The following WASHC5 variants were observed in gnomAD, a reference collection of about 807,000 sequenced individuals.
WASHC5 encodes WASH complex subunit strumpellin.
WASHC5 carries 101 observed loss-of-function variants against 150.4 expected under a neutral mutation model. That is an observed-to-expected ratio of 0.67 (90% confidence interval 0.57 to 0.79). WASHC5 has a LOEUF of 0.79. Among genes scored for constraint, WASHC5 ranks in the 30% least tolerant of loss-of-function variants. The pLI is 0.00. For synonymous variants in WASHC5, 467 were observed against 491.2 expected (o/e 0.95, Z 0.65); for missense variants, 1,195 against 1,396.3 (o/e 0.86, Z 2.30).
intron 10 of WASHC5, among the ~76,000 whole-genome samples, chr8:125,067,238 G>A (rs565146751): frequency 3.5e-4 from 54 of 152,220 alleles, no homozygotes; most frequent in African/African-American, 1.2e-3. Flanking sequence ...GGCTGATCTC[G>A]AACTCCTGAC....
At chr8:125,079,056 CTATATCCTCAA>C (rs1286792526) in intron 5 of WASHC5, 126 bp from the exon 6 acceptor site, 99 of 677,388 alleles carry the variant, frequency 1.5e-4, no homozygotes, top group African/African-American at 2.9e-4. Flanking sequence ...ACAGGTCCAT[CTATATCCTCAA>C]TATATCCTCA....
intron 4 of WASHC5, 75 bp from the exon 5 acceptor site, chr8:125,081,836 A>G: frequency 2.2e-6 from 2 of 896,376 alleles, no homozygotes; most frequent in Admixed American, 3.5e-5. Context: ...TAATCATGAA[A>G]AATATTGCTT....
chr8:125,029,964 A>G (rs1263931565), intron 27 of WASHC5, among the ~76,000 whole-genome samples: 1 of 152,196 alleles, frequency 6.6e-6, no homozygotes, highest in Non-Finnish European at 1.5e-5. Context: ...GAGCAAGAGA[A>G]AGGAAGGAAT....
intron 3 of WASHC5, 76 bp downstream of exon 3, chr8:125,083,035 GAT>G: frequency 2.1e-6 from 2 of 960,144 alleles, no homozygotes; most frequent in Non-Finnish European, 3.3e-6. Flanking sequence ...AACTCAGAGA[GAT>G]TTACACGTTG....
chr8:125,080,696 T>A (rs1165267458), intron 5 of WASHC5, among the ~76,000 whole-genome samples: 2 of 152,210 alleles, frequency 1.3e-5, no homozygotes, highest in African/African-American at 4.8e-5. Context: ...TTCAACCAAT[T>A]GAAAATCTGT....
chr8:125,073,423 A>G (rs1249373300), intron 8 of WASHC5, 99 bp from the exon 9 acceptor site: 1 of 1,000,180 alleles, frequency 1.0e-6, no homozygotes, highest in East Asian at 2.6e-5. Flanking sequence ...ACATTTCTAT[A>G]TAGGATGAAT....
intron 21 of WASHC5, 59 bp from the exon 22 acceptor site, chr8:125,044,153 T>C: frequency 8.9e-7 from 1 of 1,120,520 alleles, no homozygotes; most frequent in African/African-American, 1.5e-5. Context: ...AAGCAAATTC[T>C]CCAGTTACCT....
At chr8:125,060,375 A>G (rs2130103266) in intron 12 of WASHC5, among the ~76,000 whole-genome samples, 1 of 152,088 alleles carries the variant, frequency 6.6e-6, no homozygotes, top group South Asian at 2.1e-4. Flanking sequence ...AGTCCCAGCT[A>G]CCCAGGAGGC....
At chr8:125,087,384 CCA>C (rs1232223658) in intron 1 of WASHC5, among the ~76,000 whole-genome samples, 1 of 152,086 alleles carries the variant, frequency 6.6e-6, no homozygotes, top group African/African-American at 2.4e-5. Flanking sequence ...GTCCTAAAAA[CCA>C]CTAGAAGTCG....
intron 1 of WASHC5, among the ~76,000 whole-genome samples, chr8:125,085,049 A>G (rs1402102592): frequency 6.6e-6 from 1 of 152,228 alleles, no homozygotes; most frequent in Non-Finnish European, 1.5e-5. Flanking sequence ...ATTCCTTGGC[A>G]CTGACAAGTA....
intron 7 of WASHC5, 82 bp from the exon 8 acceptor site, chr8:125,075,193 A>AT: frequency 1.2e-6 from 1 of 858,120 alleles, no homozygotes; most frequent in Admixed American, 1.7e-5. Context: ...ATAGAAGGCA[A>AT]TACCCACTCC....
chr8:125,082,908 A>C, intron 3 of WASHC5: 1 of 474,436 alleles, frequency 2.1e-6, no homozygotes, highest in East Asian at 3.6e-5. Context: ...AGTTTATTAC[A>C]ACACCTCATA....
chr8:125,032,438 C>T, intron 26 of WASHC5, 44 bp from the exon 27 acceptor site: 1 of 1,605,650 alleles, frequency 6.2e-7, no homozygotes, highest in Non-Finnish European at 8.5e-7. Context: ...TACTTGCCTT[C>T]AGCAACATTC....
intron 1 of WASHC5, among the ~76,000 whole-genome samples, chr8:125,086,939 T>C (rs1331783272): frequency 6.6e-6 from 1 of 152,240 alleles, no homozygotes. Flanking sequence ...CCCCCAGCTC[T>C]TTAAGTCTTC....
chr8:125,068,807 T>C (rs1816822233), intron 9 of WASHC5, among the ~76,000 whole-genome samples: 1 of 152,218 alleles, frequency 6.6e-6, no homozygotes, highest in African/African-American at 2.4e-5. Context: ...AATTAGGCAG[T>C]GATTGACCCA....
At position 125,084,028 on chromosome 8, in the gene WASHC5, TCCCC is replaced by T; in HGVS notation, c.-124-10_-124-7del. ...TGGCTCCTCCATTAAAGAACCTGTA[TCCCC>T]AAAAAAAGTGTGAAAATCTCAATTT... On this transcript the variant is annotated splice_polypyrimidine_tract_variant and splice_region_variant and intron_variant, in intron 1 of 28. Transcript: ENST00000318410. 1 of 846,382 alleles carries T rather than the reference TCCCC, an allele frequency of 1.2e-6. No individual in the cohort carries two copies. The allele number at this position is 846,382 out of a possible 1,614,324, so 52.4% of individuals were successfully genotyped here.
At chr8:125,079,112 GTGTGTATATATATA>G (rs1817158658) in intron 5 of WASHC5, among the ~76,000 whole-genome samples, 182 bp from the exon 6 acceptor site, 1 of 48,432 alleles carries the variant, frequency 2.1e-5, no homozygotes, top group African/African-American at 7.0e-5. Flanking sequence ...ATGTGTGTGT[GTGTGTATATATATA>G]TATATATATA....
At chr8:125,044,461 A>C (rs532311311) in intron 21 of WASHC5, 75 bp downstream of exon 21, 1 of 1,523,240 alleles carries the variant, frequency 6.6e-7, no homozygotes, top group East Asian at 2.2e-5. Flanking sequence ...AAGTGAGTTC[A>C]AACTGCCCAC....
At chr8:125,028,811 T>A in intron 27 of WASHC5, 104 bp from the exon 28 acceptor site, 1 of 787,792 alleles carries the variant, frequency 1.3e-6, no homozygotes, top group African/African-American at 1.7e-5. Context: ...CCTAATGAAG[T>A]CAAAGATGAA....
Sources: allele counts gnomAD v4.1 joint callset (sites outside exome capture counted in the v4.1 genomes callset), GRCh38; gene constraint gnomAD v4.1.1; transcripts MANE v1.5; gene names NCBI Gene and HGNC (gene_info 2026-07-23, HGNC 2026-07-21).